OR9Q1: variants seen among roughly 807,000 people sequenced by gnomAD.
OR9Q1 encodes olfactory receptor 9Q1.
For synonymous variants in OR9Q1, 153 were observed against 148.6 expected, an observed-to-expected ratio of 1.03 and a Z score of -0.22; for missense variants, 374 against 378.8, an observed-to-expected ratio of 0.99 and a Z score of 0.11.
At chr11:58,029,932 C>G (rs1853014069) in intron 1 of OR9Q1, among the ~76,000 whole-genome samples, 1 of 151,788 alleles carries the variant, frequency 6.6e-6, no homozygotes, top group African/African-American at 2.4e-5. Context: ...ACCTCTGCCT[C>G]CTGGATTCAA....
intron 1 of OR9Q1, among the ~76,000 whole-genome samples, chr11:58,048,605 G>A (rs1260805950): frequency 6.0e-5 from 9 of 150,712 alleles, no homozygotes; most frequent in African/African-American, 2.2e-4. Context: ...GGAGGTGGAG[G>A]TTGCAGTCAG....
chr11:58,158,516 TC>T (rs1187073859), intron 2 of OR9Q1, among the ~76,000 whole-genome samples: 1 of 149,722 alleles, frequency 6.7e-6, no homozygotes, highest in Admixed American at 6.8e-5. Context: ...ACAGCAAGAG[TC>T]CAGGTCCTTG....
chr11:58,113,573 G>T (rs17538527), intron 2 of OR9Q1, among the ~76,000 whole-genome samples: 26,078 of 152,182 alleles, frequency 0.17, 2,369 homozygotes, highest in Non-Finnish European at 0.21. Context: ...AATATCACCA[G>T]TGGGGACAAC....
At chr11:58,077,825 G>C (rs1042767593) in intron 2 of OR9Q1, 1 of 152,152 alleles carries the variant, frequency 6.6e-6, no homozygotes, top group Non-Finnish European at 1.5e-5. Context: ...GCTCCTGATA[G>C]TCCTCAGGTG....
At chr11:58,158,823 A>T (rs1590621104) in intron 2 of OR9Q1, among the ~76,000 whole-genome samples, 1 of 152,230 alleles carries the variant, frequency 6.6e-6, no homozygotes, top group Non-Finnish European at 1.5e-5. Context: ...ACATTCTGTC[A>T]TGTGGACTGG....
intron 2 of OR9Q1, among the ~76,000 whole-genome samples, chr11:58,142,900 C>T (rs1174111077): frequency 6.6e-6 from 1 of 152,022 alleles, no homozygotes; most frequent in East Asian, 1.9e-4. Context: ...TAGGACAGAT[C>T]CTTTGGAATA....
chr11:58,088,283 T>C (rs906158315), intron 2 of OR9Q1, among the ~76,000 whole-genome samples: 1 of 151,998 alleles, frequency 6.6e-6, no homozygotes, highest in Non-Finnish European at 1.5e-5. Context: ...AATAAACATA[T>C]GTGTGCATGT....
At chr11:58,175,476 C>CT (rs1854596853) in intron 2 of OR9Q1, among the ~76,000 whole-genome samples, 1 of 152,148 alleles carries the variant, frequency 6.6e-6, no homozygotes, top group African/African-American at 2.4e-5. Flanking sequence ...TGTAAGTAAT[C>CT]TTGCCCTAGT....
At chr11:58,028,128 G>A (rs1249054578) in intron 1 of OR9Q1, among the ~76,000 whole-genome samples, 2 of 152,100 alleles carry the variant, frequency 1.3e-5, no homozygotes, top group African/African-American at 4.8e-5. Flanking sequence ...AACCTGGTCT[G>A]TACCAGGCCC....
At chr11:58,104,582 T>G (rs1195391891) in intron 2 of OR9Q1, among the ~76,000 whole-genome samples, 6 of 152,192 alleles carry the variant, frequency 3.9e-5, no homozygotes, top group African/African-American at 1.4e-4. Flanking sequence ...TGATTATTCA[T>G]GATTTTTTGG....
At chr11:58,042,246 C>T (rs1853172491) in intron 1 of OR9Q1, among the ~76,000 whole-genome samples, 1 of 152,100 alleles carries the variant, frequency 6.6e-6, no homozygotes, top group Non-Finnish European at 1.5e-5. Flanking sequence ...ATGGTAATGC[C>T]TAGGTTTTCT....
intron 2 of OR9Q1, among the ~76,000 whole-genome samples, chr11:58,140,755 G>T (rs1854239675): frequency 6.6e-6 from 1 of 152,176 alleles, no homozygotes. Flanking sequence ...GCTTAGGATT[G>T]ACTTGGCAAT....
chr11:58,064,077 A>G (rs1456408608), intron 2 of OR9Q1, among the ~76,000 whole-genome samples: 1 of 152,138 alleles, frequency 6.6e-6, no homozygotes, highest in Non-Finnish European at 1.5e-5. Flanking sequence ...TGTTTAAGAC[A>G]TCGATAGGAC....
intron 2 of OR9Q1, among the ~76,000 whole-genome samples, chr11:58,076,158 C>A (rs1853537063): frequency 6.6e-6 from 1 of 152,186 alleles, no homozygotes; most frequent in African/African-American, 2.4e-5. Flanking sequence ...CTGCTTTAAA[C>A]CTAACTTTTA....
chr11:58,095,929 C>T (rs117532273), intron 2 of OR9Q1, among the ~76,000 whole-genome samples: 4 of 152,238 alleles, frequency 2.6e-5, no homozygotes, highest in Non-Finnish European at 5.9e-5. Context: ...TGTCTCACAC[C>T]ATACTAGGTC....
intron 2 of OR9Q1, among the ~76,000 whole-genome samples, chr11:58,084,946 A>G (rs943037812): frequency 2.0e-5 from 3 of 151,852 alleles, no homozygotes; most frequent in Non-Finnish European, 2.9e-5. Context: ...AGCCAGAGCA[A>G]TCAGGCAAGA....
At chr11:58,039,508 G>A (rs1156567091) in intron 1 of OR9Q1, among the ~76,000 whole-genome samples, 1 of 152,188 alleles carries the variant, frequency 6.6e-6, no homozygotes, top group Non-Finnish European at 1.5e-5. Context: ...CAACCCAGGA[G>A]CACTTTCATT....
chr11:58,066,675 C>T (rs1198088987), intron 2 of OR9Q1, among the ~76,000 whole-genome samples: 1 of 152,088 alleles, frequency 6.6e-6, no homozygotes, highest in Non-Finnish European at 1.5e-5. Context: ...AGAGACAGCC[C>T]CAGGGTATAG....
At chr11:58,084,086 A>G (rs984755016) in intron 2 of OR9Q1, among the ~76,000 whole-genome samples, 2 of 151,942 alleles carry the variant, frequency 1.3e-5, no homozygotes, top group East Asian at 1.9e-4. Flanking sequence ...CTCCCAATCA[A>G]TGAGCATAGA....
Sources: gnomAD v4.1 joint callset for allele counts (sites outside exome capture counted in the v4.1 genomes callset) on GRCh38, gnomAD v4.1.1 for gene constraint, MANE v1.5 for transcripts, NCBI Gene and HGNC (gene_info 2026-07-23, HGNC 2026-07-21) for gene names.